PTK2B: variants seen among roughly 807,000 people sequenced by gnomAD.
PTK2B encodes protein-tyrosine kinase 2-beta.
In PTK2B, 71 loss-of-function variants were observed where a neutral mutation model predicts 142.9. That is an observed-to-expected ratio of 0.50 (90% CI 0.41 to 0.61). The LOEUF is 0.61. Ranked by LOEUF, PTK2B falls within the 20% of genes least tolerant of loss-of-function variation. The pLI, the probability that PTK2B is intolerant of heterozygous loss-of-function variation, is 0.00. For synonymous variants in PTK2B, 519 were observed against 503.4 expected (o/e 1.03, Z -0.42); for missense variants, 1,105 against 1,320.4 (o/e 0.84, Z 2.53).
chr8:27,394,976 G>A (rs1191889857), intron 1 of PTK2B, among the ~76,000 whole-genome samples: 1 of 152,166 alleles, frequency 6.6e-6, no homozygotes, highest in Non-Finnish European at 1.5e-5. Flanking sequence ...TTCAGGGGCA[G>A]TAACAGACAT....
At chr8:27,420,218 G>A in intron 3 of PTK2B, 145 bp downstream of exon 3, 2 of 968,194 alleles carry the variant, frequency 2.1e-6, no homozygotes, top group Non-Finnish European at 3.1e-6. Context: ...TCTTCCTCCA[G>A]TATCCAATGC....
intron 1 of PTK2B, among the ~76,000 whole-genome samples, chr8:27,352,377 A>G (rs1386745071): frequency 1.3e-5 from 2 of 152,230 alleles, no homozygotes; most frequent in Non-Finnish European, 2.9e-5. Flanking sequence ...TGCAAAAAAC[A>G]AAAGCAAAAG....
chr8:27,421,488 C>T (rs1225865159), intron 4 of PTK2B, among the ~76,000 whole-genome samples: 2 of 152,154 alleles, frequency 1.3e-5, no homozygotes, highest in Non-Finnish European at 2.9e-5. Context: ...CCAGAGTCTC[C>T]AAAGTCATTC....
intron 14 of PTK2B, among the ~76,000 whole-genome samples, chr8:27,436,038 G>A (rs1490988227): frequency 2.0e-5 from 3 of 152,158 alleles, no homozygotes; most frequent in Admixed American, 6.5e-5. Flanking sequence ...GTGGACCTGG[G>A]ACCTAGCCTT....
At chr8:27,450,682 C>A in intron 24 of PTK2B, 67 bp from the exon 25 acceptor site, 1 of 1,585,724 alleles carries the variant, frequency 6.3e-7, no homozygotes, top group Non-Finnish European at 8.6e-7. Context: ...CTTCAGAGGA[C>A]TGTCCCTCCC....
At chr8:27,417,762 A>G (rs1176709191) in intron 2 of PTK2B, among the ~76,000 whole-genome samples, 1 of 152,126 alleles carries the variant, frequency 6.6e-6, no homozygotes, top group Non-Finnish European at 1.5e-5. Flanking sequence ...GATTTTTGAT[A>G]ATCAACAGCA....
At chr8:27,315,613 C>T (rs529465445) in intron 3 of PTK2B, among the ~76,000 whole-genome samples, 1 of 152,004 alleles carries the variant, frequency 6.6e-6, no homozygotes, top group Admixed American at 6.5e-5. Flanking sequence ...CTTACCTGAT[C>T]TTCCTTATTT....
At chr8:27,400,892 A>T (rs1047257006) in intron 2 of PTK2B, among the ~76,000 whole-genome samples, 5 of 152,220 alleles carry the variant, frequency 3.3e-5, no homozygotes, top group African/African-American at 9.7e-5. Flanking sequence ...GCTTACCCAC[A>T]AGGAATGAGT....
rs749957808 is a variant in PTK2B at position 27,391,889 on chromosome 8, A to T, written c.-37-5659A>T. On this transcript the variant is annotated intron_variant, in intron 1 of 30. Transcript: ENST00000346049. ...GATTGTGGCAGATTTGGGGGCCAGG[A>T]GGCAAACCGAAGCCCAGGATGGCTC... is the stretch of plus-strand genomic sequence containing the variant. Among the ~76,000 whole-genome samples the T allele has an allele frequency of 5.3e-5, 8 of 152,178 alleles. 1 individual carries two copies. In the South Asian group the frequency reaches 8.3e-4, roughly 16 times the overall value.
At chr8:27,450,659 C>CTGCCA in intron 24 of PTK2B, 90 bp from the exon 25 acceptor site, 1 of 1,508,622 alleles carries the variant, frequency 6.6e-7, no homozygotes, top group South Asian at 1.2e-5. Flanking sequence ...AGGCTTGCAG[C>CTGCCA]TGCCATGAGG....
intron 2 of PTK2B, among the ~76,000 whole-genome samples, chr8:27,408,343 A>G (rs1808851448): frequency 6.6e-6 from 1 of 152,384 alleles, no homozygotes; most frequent in South Asian, 2.1e-4. Flanking sequence ...TGCACCCAGC[A>G]GGAAGGAACA....
At chr8:27,367,480 G>A (rs1211929718) in intron 1 of PTK2B, among the ~76,000 whole-genome samples, 2 of 152,330 alleles carry the variant, frequency 1.3e-5, no homozygotes, top group South Asian at 4.1e-4. Context: ...AAGGTGACAG[G>A]CCCCCAGGAC....
At chr8:27,311,708 C>T (rs1586063921) in exon 1 of PTK2B, 1 of 165,876 alleles carries the variant, frequency 6.0e-6, no homozygotes, top group Non-Finnish European at 1.3e-5. Context: ...TCTTAAAGCA[C>T]CGTGAGTGCA....
At chr8:27,389,965 C>T (rs903954898) in intron 1 of PTK2B, among the ~76,000 whole-genome samples, 120 of 152,100 alleles carry the variant, frequency 7.9e-4, no homozygotes, top group African/African-American at 2.7e-3. Flanking sequence ...ACTCAGCAGG[C>T]CTTTGGGATA....
chr8:27,447,106 T>C (rs1159595706), intron 24 of PTK2B, among the ~76,000 whole-genome samples: 1 of 152,248 alleles, frequency 6.6e-6, no homozygotes. Context: ...AGAAGCTATT[T>C]TGCACATTTG....
chr8:27,385,302 T>A (rs1807280581), intron 1 of PTK2B, among the ~76,000 whole-genome samples: 1 of 152,120 alleles, frequency 6.6e-6, no homozygotes. Flanking sequence ...ATGCTCAAGG[T>A]CTCAGGGCTG....
chr8:27,389,426 A>G (rs1807573475), intron 1 of PTK2B, among the ~76,000 whole-genome samples: 1 of 152,216 alleles, frequency 6.6e-6, no homozygotes, highest in Admixed American at 6.5e-5. Context: ...TGGAGCCCAG[A>G]AGTCAAATAG....
chr8:27,330,636 GA>G (rs1317387120), intron 1 of PTK2B, among the ~76,000 whole-genome samples: 1 of 152,224 alleles, frequency 6.6e-6, no homozygotes, highest in Non-Finnish European at 1.5e-5. Context: ...GGGGGCGGCA[GA>G]GGGGGAGGGG....
At chr8:27,323,530 G>A (rs1374149681), upstream of PTK2B, 1 of 152,194 alleles carries the variant, frequency 6.6e-6, no homozygotes, top group Admixed American at 6.5e-5. Context: ...TCTAACTGGG[G>A]TAGATCATTA....
Sources: gnomAD v4.1 joint callset for allele counts (sites outside exome capture counted in the v4.1 genomes callset) on GRCh38, gnomAD v4.1.1 for gene constraint, MANE v1.5 for transcripts, NCBI Gene and HGNC (gene_info 2026-07-23, HGNC 2026-07-21) for gene names.